Variants in TTC23 observed in about 807,000 individuals in gnomAD.
TTC23 encodes tetratricopeptide repeat protein 23.
In TTC23, 58 loss-of-function variants were observed where a neutral mutation model predicts 55.1. The observed-to-expected ratio is 1.05, with a 90% CI of 0.85 to 1.31. TTC23 has a LOEUF of 1.31. Among genes scored for constraint, TTC23 ranks in the 50% most tolerant of loss-of-function variants. TTC23 has a pLI of 0.00. For synonymous variants in TTC23, 203 were observed against 199.9 expected, an observed-to-expected ratio of 1.02 and a Z score of -0.13; for missense variants, 516 against 534.4, an observed-to-expected ratio of 0.97 and a Z score of 0.34.
intron 10 of TTC23, among the ~76,000 whole-genome samples, chr15:99,166,994 A>G (rs1317862934): frequency 1.3e-5 from 2 of 152,200 alleles, no homozygotes; most frequent in Non-Finnish European, 2.9e-5. Context: ...CAAGATCCTG[A>G]CTTATTTCCC....
At chr15:99,231,577 C>T (rs1334289594) in intron 4 of TTC23, among the ~76,000 whole-genome samples, 1 of 151,820 alleles carries the variant, frequency 6.6e-6, no homozygotes, top group East Asian at 1.9e-4. Context: ...ACTGCAAGCT[C>T]CGCCTCCCGG....
At chr15:99,206,577 T>C (rs1404207499) in intron 8 of TTC23, among the ~76,000 whole-genome samples, 1 of 152,158 alleles carries the variant, frequency 6.6e-6, no homozygotes, top group East Asian at 1.9e-4. Context: ...ATTCTAGATT[T>C]TCCAGTTTAT....
chr15:99,220,522 T>C (rs376449419), intron 6 of TTC23, among the ~76,000 whole-genome samples: 4 of 152,152 alleles, frequency 2.6e-5, no homozygotes, highest in East Asian at 3.9e-4. Context: ...GACTCATTGT[T>C]TTCCCTGAAT....
At chr15:99,224,358 T>C (rs193173638) in intron 5 of TTC23, among the ~76,000 whole-genome samples, 2 of 152,250 alleles carry the variant, frequency 1.3e-5, no homozygotes, top group Non-Finnish European at 2.9e-5. Context: ...TTTTTGTGAA[T>C]CTATCTTTAT....
chr15:99,228,537 T>C lies in TTC23; in HGVS notation c.176A>G (p.His59Arg), dbSNP rs1212440126. 2.5e-6 allele frequency: 4 copies of C among 1,609,394 alleles called. No individual in the cohort carries two copies. The highest frequency in any genetic ancestry group is 3.4e-6 in the Non-Finnish European group (4 of 1,177,402). ...EEKAKSYSNS[H>R]EYKQAVHELV... is the part of the protein sequence containing the mutation. ...CAGAAACAAAAGTCTCCTTACCTCA[T>C]GACTGTTGGAATAGGACTTTGCTTT... Residue 59 changes from histidine (H) to arginine (R), a missense_variant, in exon 5 of 14, where the codon CAT (histidine) becomes CGT (arginine). Coordinates refer to ENST00000394132, the MANE Select transcript of TTC23 (RefSeq NM_001288615.3).
chr15:99,199,907 C>T lies in TTC23; in HGVS notation c.759+12G>A. 6.2e-7 allele frequency: 1 copy of T among 1,608,272 alleles called. No homozygotes were observed. Among genetic ancestry groups the T allele is most frequent in the Non-Finnish European group, 8.5e-7 (1 of 1,177,270 alleles). On this transcript the variant is annotated intron_variant, in intron 9 of 13. Coordinates refer to ENST00000394132, the MANE Select transcript of TTC23 (RefSeq NM_001288615.3). ...CTAGAACAGCTTTGGTAGCCAGGAC[C>T]TTGTAGCTTACCTGGAGGAAGTGGT...
intron 8 of TTC23, among the ~76,000 whole-genome samples, chr15:99,204,965 G>T (rs1031268397): frequency 6.6e-6 from 1 of 152,062 alleles, no homozygotes; most frequent in African/African-American, 2.4e-5. Context: ...ATTTTAATTC[G>T]ATTTTTGCAT....
intron 8 of TTC23, among the ~76,000 whole-genome samples, chr15:99,209,124 T>C (rs1292052531): frequency 6.6e-6 from 1 of 152,228 alleles, no homozygotes; most frequent in Non-Finnish European, 1.5e-5. Flanking sequence ...CACTATCTCA[T>C]TGCAGACAAG....
At chr15:99,243,076 G>A (rs550425313) in intron 2 of TTC23, among the ~76,000 whole-genome samples, 1 of 152,192 alleles carries the variant, frequency 6.6e-6, no homozygotes, top group Admixed American at 6.5e-5. Context: ...CACAGAATGG[G>A]AGAAAATATT....
At chr15:99,151,246 C>T (rs2069694327) in intron 12 of TTC23, 1 of 152,354 alleles carries the variant, frequency 6.6e-6, no homozygotes, top group Admixed American at 6.5e-5. Flanking sequence ...CCACCTCCAC[C>T]CCAGGCCACC....
chr15:99,243,210 T>C (rs2079958001), intron 2 of TTC23, among the ~76,000 whole-genome samples: 1 of 152,212 alleles, frequency 6.6e-6, no homozygotes, highest in Non-Finnish European at 1.5e-5. Context: ...AATAGACATT[T>C]CTCAAAAGAC....
At chr15:99,184,189 G>A (rs748714425) in intron 9 of TTC23, among the ~76,000 whole-genome samples, 6 of 152,226 alleles carry the variant, frequency 3.9e-5, no homozygotes, top group Non-Finnish European at 5.9e-5. Context: ...ACCTCTGCTA[G>A]GGCAGTGTGG....
chr15:99,184,662 T>A (rs2074493573), intron 9 of TTC23, among the ~76,000 whole-genome samples: 1 of 152,012 alleles, frequency 6.6e-6, no homozygotes, highest in Non-Finnish European at 1.5e-5. Context: ...GGCTCATAGG[T>A]GGAGGGGACT....
At chr15:99,169,368 C>T (rs2072599237) in intron 10 of TTC23, among the ~76,000 whole-genome samples, 2 of 152,128 alleles carry the variant, frequency 1.3e-5, no homozygotes, top group Admixed American at 1.3e-4. Flanking sequence ...ACCACCAGGC[C>T]CCACTTGGAA....
At chr15:99,220,011 T>C (rs1259481570) in intron 6 of TTC23, among the ~76,000 whole-genome samples, 1 of 127,378 alleles carries the variant, frequency 7.9e-6, no homozygotes, top group Non-Finnish European at 1.9e-5. Flanking sequence ...AGCACAGACA[T>C]GTATTAGTGC....
At chr15:99,197,163 C>T (rs943681882) in intron 9 of TTC23, among the ~76,000 whole-genome samples, 5 of 150,896 alleles carry the variant, frequency 3.3e-5, no homozygotes, top group East Asian at 2.0e-4. Flanking sequence ...AATGCAGTGG[C>T]GCGATCTCAG....
chr15:99,163,976 T>C (rs938244017), intron 10 of TTC23, among the ~76,000 whole-genome samples: 1 of 152,174 alleles, frequency 6.6e-6, no homozygotes, highest in Non-Finnish European at 1.5e-5. Context: ...AAAATGAAGA[T>C]AAGAACAATT....
intron 6 of TTC23, among the ~76,000 whole-genome samples, chr15:99,220,439 T>C (rs576167738): frequency 2.0e-5 from 3 of 152,318 alleles, no homozygotes; most frequent in South Asian, 2.1e-4. Flanking sequence ...CAAACTGGCA[T>C]TGAAAACCTA....
intron 6 of TTC23, among the ~76,000 whole-genome samples, chr15:99,221,022 C>A (rs1423505089): frequency 2.0e-5 from 3 of 152,230 alleles, no homozygotes; most frequent in African/African-American, 7.2e-5. Flanking sequence ...CAGACTATTC[C>A]TTGCCTTTGG....
Sources: gnomAD v4.1 joint callset for allele counts (sites outside exome capture counted in the v4.1 genomes callset) on GRCh38, gnomAD v4.1.1 for gene constraint, MANE v1.5 for transcripts, NCBI Gene and HGNC (gene_info 2026-07-23, HGNC 2026-07-21) for gene names.